The following BLNK variants were observed in gnomAD, a reference collection of about 807,000 sequenced individuals.
The protein encoded by BLNK is B cell linker, also known as B-cell linker protein.
A neutral mutation model predicts 73.5 loss-of-function variants in BLNK; 29 were observed. The observed-to-expected ratio is 0.39, with a 90% CI of 0.29 to 0.54. The LOEUF (loss-of-function observed/expected upper bound fraction) is 0.54. Among genes scored for constraint, BLNK ranks in the 20% least tolerant of loss-of-function variants. The pLI, the probability that BLNK is intolerant of heterozygous loss-of-function variation, is 0.61. For missense variants in BLNK, 460 were observed against 562.8 expected (o/e 0.82, Z 1.85); for synonymous variants, 176 against 200.8 (o/e 0.88, Z 1.04).
At chr10:96,192,761 AT>A in intron 16 of BLNK, among the ~76,000 whole-genome samples, 1 of 152,204 alleles carries the variant, frequency 6.6e-6, no homozygotes, top group Non-Finnish European at 1.5e-5. Context: ...CTGAAAAATA[AT>A]TAAAGTTTTG....
intron 1 of BLNK, among the ~76,000 whole-genome samples, chr10:96,251,298 C>G (rs1843275428): frequency 6.6e-6 from 1 of 152,230 alleles, no homozygotes; most frequent in Non-Finnish European, 1.5e-5. Flanking sequence ...TGATGCACAG[C>G]TCTGCTGCTC....
chr10:96,249,957 G>A lies in BLNK; in HGVS notation c.48-2908C>T, dbSNP rs143804489. ...GAAGGATAGGAGAAACTTCTTTTGGGACAGCCGTATGGCTGCATTTTGGAG... is the reference window on the plus strand; with the variant it reads ...GAAGGATAGGAGAAACTTCTTTTGGAACAGCCGTATGGCTGCATTTTGGAG... On this transcript the variant is annotated intron_variant, in intron 1 of 16. Coordinates refer to ENST00000224337, the MANE Select transcript of BLNK (RefSeq NM_013314.4). Among the ~76,000 whole-genome samples the A allele has an allele frequency of 3.3e-4, 50 of 152,314 alleles. No individual in the cohort carries two copies. The Middle Eastern group carries it at 0.014, about 41-fold the overall frequency.
chr10:96,201,157 ATC>A, intron 13 of BLNK, 99 bp from the exon 14 acceptor site: 1 of 1,079,638 alleles, frequency 9.3e-7, no homozygotes, highest in Non-Finnish European at 1.4e-6. Context: ...CCAGGGACAC[ATC>A]CACCAAAAAA....
intron 10 of BLNK, 79 bp downstream of exon 10, chr10:96,207,793 C>A: frequency 1.3e-6 from 2 of 1,538,458 alleles, no homozygotes; most frequent in Non-Finnish European, 1.8e-6. Flanking sequence ...TAGCTGGAAG[C>A]ATTTTCAACT....
At chr10:96,206,550 C>CAA (rs587613981) in intron 11 of BLNK, among the ~76,000 whole-genome samples, 7,882 of 126,602 alleles carry the variant, frequency 0.062, 590 homozygotes, top group East Asian at 0.22. Flanking sequence ...GACCCTAACT[C>CAA]AAAAAAAAAA....
chr10:96,202,300 C>T (rs1298077321), intron 13 of BLNK, among the ~76,000 whole-genome samples: 1 of 152,054 alleles, frequency 6.6e-6, no homozygotes, highest in Non-Finnish European at 1.5e-5. Flanking sequence ...GGGCTGGAAA[C>T]AGAGGGTGGC....
At chr10:96,257,898 A>G (rs1843584750) in intron 1 of BLNK, among the ~76,000 whole-genome samples, 2 of 152,238 alleles carry the variant, frequency 1.3e-5, no homozygotes, top group Non-Finnish European at 2.9e-5. Context: ...AGATATAGGC[A>G]GACCGGAGAA....
At chr10:96,223,743 G>T in intron 6 of BLNK, 83 bp downstream of exon 6, 1 of 1,520,782 alleles carries the variant, frequency 6.6e-7, no homozygotes, top group Non-Finnish European at 9.1e-7. Context: ...AAAGAAGGAG[G>T]ACAGCCAGCG....
At chr10:96,248,094 C>T (rs533347793) in intron 1 of BLNK, among the ~76,000 whole-genome samples, 1 of 152,318 alleles carries the variant, frequency 6.6e-6, no homozygotes, top group Non-Finnish European at 1.5e-5. Flanking sequence ...TATCAAGACC[C>T]TCCACTGGTA....
chr10:96,233,771 TA>T (rs1316873887), intron 3 of BLNK, among the ~76,000 whole-genome samples: 5 of 152,256 alleles, frequency 3.3e-5, no homozygotes, highest in Non-Finnish European at 7.3e-5. Flanking sequence ...GTGCTGTGAT[TA>T]AGTTGTTCAT....
chr10:96,199,399 A>G, intron 15 of BLNK: 1 of 352,686 alleles, frequency 2.8e-6, no homozygotes, highest in Non-Finnish European at 5.8e-6. Flanking sequence ...CAAATTTTTA[A>G]TCCTGCACAT....
chr10:96,216,816 G>A, intron 6 of BLNK, 82 bp from the exon 7 acceptor site: 1 of 1,169,274 alleles, frequency 8.6e-7, no homozygotes. Context: ...TTTTTAAAAA[G>A]CATTATTGAG....
At chr10:96,244,749 G>A (rs1842987948) in intron 2 of BLNK, among the ~76,000 whole-genome samples, 2 of 152,236 alleles carry the variant, frequency 1.3e-5, no homozygotes, top group Admixed American at 6.5e-5. Context: ...AAGTGCTTTG[G>A]TCATCCAATG....
intron 1 of BLNK, among the ~76,000 whole-genome samples, chr10:96,253,823 G>T (rs1396996393): frequency 6.6e-6 from 1 of 151,872 alleles, no homozygotes; most frequent in Non-Finnish European, 1.5e-5. Flanking sequence ...AGACCATCTT[G>T]GCTAACACGG....
intron 8 of BLNK, among the ~76,000 whole-genome samples, chr10:96,214,138 A>ATGTG (rs145503971): frequency 1.4e-4 from 21 of 151,584 alleles, no homozygotes; most frequent in African/African-American, 5.1e-4. Context: ...GTGTGTATGA[A>ATGTG]TGTGTGTGTG....
intron 15 of BLNK, among the ~76,000 whole-genome samples, chr10:96,197,921 AAAAG>A (rs1325091331): frequency 2.0e-5 from 3 of 151,362 alleles, no homozygotes; most frequent in East Asian, 1.9e-4. Context: ...ATCAAAAAAA[AAAAG>A]AAAGAAAAAG....
chr10:96,200,922 C>T lies in BLNK; in HGVS notation c.1011+60G>A. ...CTCCAAATGTCTTCTTCTCAGAAGA[C>T]ATGCTCTTTCCTGCAGTTTCCTGGT... On this transcript the variant is annotated intron_variant, in intron 14 of 16. Transcript: ENST00000224337. This position sits in a 1 kb window ranked among gnomAD's most constrained non-coding sequence, Gnocchi z 4.3. 1.4e-6 allele frequency: 2 copies of T among 1,439,418 alleles called. No homozygotes were observed. Among genetic ancestry groups the T allele is most frequent in the South Asian group, 1.1e-5 (1 of 87,530 alleles). The allele number at this position is 1,439,418 out of a possible 1,614,324, so 89.2% of individuals were successfully genotyped here.
At position 96,200,995 on chromosome 10, in the gene BLNK, G is replaced by C. The variant is rs2133949820; in HGVS notation, c.998C>G (p.Thr333Ser). The change falls in exon 14 of 17, where the codon ACT becomes AGT. Residue 333 changes from threonine to serine, a missense_variant. This residue lies in a region of BLNK where 233 missense variants were observed against 232.1 expected (regional missense o/e 1.00). Transcript: ENST00000224337. The surrounding 1 kb of genome is among the most constrained non-coding windows in gnomAD (Gnocchi z 4.3). ...TTCATTTCATACCTGTTCTGAAATA[G>C]TGGAATTAGATGAAAAGCTGGGTAG... Reference protein sequence around the residue: ...GPLPSFSSNSTISEQEAGVLC... With the variant: ...GPLPSFSSNSSISEQEAGVLC... 3.1e-6 allele frequency: 5 copies of C among 1,614,014 alleles called. No individual in the cohort carries two copies. The highest frequency in any genetic ancestry group is 4.2e-6 in the Non-Finnish European group (5 of 1,179,878).
intron 6 of BLNK, among the ~76,000 whole-genome samples, chr10:96,222,728 T>C (rs1256197997): frequency 6.6e-6 from 1 of 152,142 alleles, no homozygotes; most frequent in Non-Finnish European, 1.5e-5. Context: ...CCTTACAGAC[T>C]AGCTATCTCC....
Sources: allele counts gnomAD v4.1 joint callset (sites outside exome capture counted in the v4.1 genomes callset), GRCh38; gene constraint gnomAD v4.1.1; regional missense constraint gnomAD v4.1.1; non-coding constraint Gnocchi (gnomAD v3.1); transcripts MANE v1.5; gene names NCBI Gene and HGNC (gene_info 2026-07-23, HGNC 2026-07-21).